Variants in KPNB1 observed in about 807,000 individuals in gnomAD.
KPNB1 encodes the protein importin subunit beta-1.
In KPNB1, 7 loss-of-function variants were observed where a neutral mutation model predicts 113.0. The ratio of observed to expected loss-of-function variants is 0.06; its 90% CI spans 0.04 to 0.12. The LOEUF is 0.12. Among genes scored for constraint, KPNB1 ranks in the 10% least tolerant of loss-of-function variants. KPNB1 has a pLI of 1.00. For synonymous variants in KPNB1, 363 were observed against 378.6 expected, an observed-to-expected ratio of 0.96 and a Z score of 0.48; for missense variants, 400 against 1,054.8, an observed-to-expected ratio of 0.38 and a Z score of 8.60.
intron 20 of KPNB1, 93 bp downstream of exon 20, chr17:47,680,227 C>A: frequency 1.1e-6 from 1 of 926,516 alleles, no homozygotes; most frequent in Non-Finnish European, 1.7e-6. Context: ...TCGCGGATGG[C>A]AACAGTTCAC....
chr17:47,657,122 A>G (rs1308888923), intron 4 of KPNB1, 62 bp downstream of exon 4: 25 of 1,320,894 alleles, frequency 1.9e-5, no homozygotes, highest in South Asian at 1.2e-4. Flanking sequence ...TGTGACATCA[A>G]TGATATTAGT....
chr17:47,650,609 C>T (rs1425851452), intron 2 of KPNB1, among the ~76,000 whole-genome samples, 165 bp downstream of exon 2: 1 of 150,554 alleles, frequency 6.6e-6, no homozygotes, highest in East Asian at 2.0e-4. Flanking sequence ...ACCCCGCCAT[C>T]GGGAAGCCGG....
chr17:47,672,887 T>C (rs2030491750), intron 12 of KPNB1, 131 bp from the exon 13 acceptor site: 2 of 695,720 alleles, frequency 2.9e-6, no homozygotes, highest in African/African-American at 1.8e-5. Context: ...TCTTGGATAT[T>C]GTGTTTTCAA....
chr17:47,659,597 T>C (rs1222019096), intron 5 of KPNB1, among the ~76,000 whole-genome samples: 1 of 152,134 alleles, frequency 6.6e-6, no homozygotes, highest in East Asian at 1.9e-4. Context: ...TAAAAAAATT[T>C]CTGTGGAGAA....
Position 47,678,337 on chromosome 17 carries a change from T to C in KPNB1, c.2277T>C (p.Asn759=). The part of the protein sequence containing the change: ...KSDYDMVDYL[N]ELRESCLEAY... ...ACTATGACATGGTGGATTATCTGAA[T>C]GAGCTAAGGGAAAGCTGCTTGGAAG... The change falls in exon 19 of 22, where the codon AAT becomes AAC. Residue 759 remains asparagine (N), a synonymous_variant. Coordinates refer to ENST00000290158, the MANE Select transcript of KPNB1 (RefSeq NM_002265.6). 1 of 1,614,162 alleles carries C rather than the reference T, an allele frequency of 6.2e-7. No homozygotes were observed. Among genetic ancestry groups the C allele is most frequent in the Non-Finnish European group, 8.5e-7 (1 of 1,179,984 alleles).
chr17:47,663,854 A>G (rs1437130151), intron 7 of KPNB1, among the ~76,000 whole-genome samples: 2 of 151,846 alleles, frequency 1.3e-5, no homozygotes, highest in East Asian at 1.9e-4. Flanking sequence ...GTGAGGTGGC[A>G]TGCACTTGTG....
At chr17:47,654,281 G>A (rs982931782) in intron 3 of KPNB1, among the ~76,000 whole-genome samples, 5 of 152,040 alleles carry the variant, frequency 3.3e-5, no homozygotes, top group African/African-American at 4.8e-5. Context: ...TGGCTGTGGC[G>A]GTGGATACCT....
chr17:47,681,217 A>G (rs899680895), intron 21 of KPNB1, among the ~76,000 whole-genome samples: 8 of 146,228 alleles, frequency 5.5e-5, no homozygotes, highest in South Asian at 2.2e-4. Context: ...TTACAGTCAC[A>G]TGCCACCACA....
In KPNB1 at chr17:47,668,148, TG is replaced by T. The variant is rs755113716; in HGVS notation, c.1000-36del. ...GACCTTTAGAGTTAAAATGATTCTTTGGACAAAATCTTAACTAGTGCCATAT... is the reference window on the plus strand; with the variant it reads ...GACCTTTAGAGTTAAAATGATTCTTTGACAAAATCTTAACTAGTGCCATAT... On this transcript the variant is annotated intron_variant, in intron 9 of 21. Coordinates refer to ENST00000290158, the MANE Select transcript of KPNB1 (RefSeq NM_002265.6). 1.9e-6 allele frequency: 3 copies of T among 1,555,534 alleles called. No homozygotes were observed. The African/African-American group carries it at 4.1e-5, about 21-fold the overall frequency.
intron 3 of KPNB1, among the ~76,000 whole-genome samples, chr17:47,655,228 G>T (rs1182158664): frequency 6.6e-6 from 1 of 152,150 alleles, no homozygotes; most frequent in Non-Finnish European, 1.5e-5. Flanking sequence ...AGCTGATCAC[G>T]GTAATAATTA....
intron 8 of KPNB1, 130 bp downstream of exon 8, chr17:47,664,399 T>A (rs2030202278): frequency 2.8e-5 from 18 of 634,234 alleles, no homozygotes; most frequent in Non-Finnish European, 2.2e-5. Flanking sequence ...AGATTTTGAT[T>A]TTTCTGCTAG....
intron 12 of KPNB1, 30 bp from the exon 13 acceptor site, chr17:47,672,988 G>A: frequency 1.9e-6 from 3 of 1,592,826 alleles, no homozygotes; most frequent in South Asian, 1.1e-5. Context: ...TTCATTTGAG[G>A]CTTTAAGATT....
At position 47,684,194 on chromosome 17, in the gene KPNB1, CCCTT is replaced by C. The variant is rs751022529; in HGVS notation, c.*1793_*1796del. 2 of 152,158 alleles carry C rather than the reference CCCTT, an allele frequency of 1.3e-5. No homozygotes were observed. 9.4% of individuals were successfully genotyped at this position (152,158 alleles called of 1,614,324 possible). A position where few individuals can be genotyped will look rare whatever the true frequency, so the allele number is the denominator to read the frequency against. ...TTCTCCAACTCCTCGTTTATATCCT[CCCTT>C]CCATGTCCAAGCCTTCCATTCCTAA... On this transcript the variant is annotated 3_prime_UTR_variant, in exon 22 of 22. Coordinates refer to ENST00000290158, the MANE Select transcript of KPNB1 (RefSeq NM_002265.6).
At chr17:47,674,614 C>G in intron 14 of KPNB1, 24 bp from the exon 15 acceptor site, 1 of 1,606,878 alleles carries the variant, frequency 6.2e-7, no homozygotes, top group Non-Finnish European at 8.5e-7. Flanking sequence ...ATCAACTGAT[C>G]TTGAACTCTT....
intron 6 of KPNB1, 82 bp downstream of exon 6, chr17:47,661,260 A>AATC: frequency 9.8e-7 from 1 of 1,020,530 alleles, no homozygotes; most frequent in South Asian, 1.3e-5. Context: ...AAATACTGGG[A>AATC]ATCAGTTGAC....
chr17:47,664,962 T>A, intron 8 of KPNB1, 95 bp from the exon 9 acceptor site: 1 of 874,488 alleles, frequency 1.1e-6, no homozygotes, highest in Non-Finnish European at 1.9e-6. Flanking sequence ...TATGTTTCTG[T>A]TTCTGTTAAG....
chr17:47,661,940 T>C (rs1201543296), intron 6 of KPNB1, among the ~76,000 whole-genome samples: 1 of 152,216 alleles, frequency 6.6e-6, no homozygotes, highest in Admixed American at 6.5e-5. Flanking sequence ...GCTTTGCTAC[T>C]TTATTGCCAT....
At chr17:47,654,246 CT>C (rs1230809406) in intron 3 of KPNB1, among the ~76,000 whole-genome samples, 1 of 152,042 alleles carries the variant, frequency 6.6e-6, no homozygotes, top group Non-Finnish European at 1.5e-5. Flanking sequence ...GAAACCCTGT[CT>C]CTACTAAAAA....
chr17:47,657,206 T>C, intron 4 of KPNB1, 146 bp downstream of exon 4: 1 of 695,938 alleles, frequency 1.4e-6, no homozygotes, highest in Non-Finnish European at 2.5e-6. Flanking sequence ...TTATTTCCCT[T>C]AGGCCTGTGT....
Sources: gnomAD v4.1 joint callset for allele counts (sites outside exome capture counted in the v4.1 genomes callset) on GRCh38, gnomAD v4.1.1 for gene constraint, MANE v1.5 for transcripts, NCBI Gene and HGNC (gene_info 2026-07-23, HGNC 2026-07-21) for gene names.